Variants in EDIL3 observed in about 807,000 individuals in gnomAD.
The protein encoded by EDIL3 is EGF-like repeat and discoidin I-like domain-containing protein 3.
Under a neutral mutation model 67.4 loss-of-function variants are expected in EDIL3, and 37 were observed. The observed-to-expected ratio is 0.55, with a 90% CI of 0.42 to 0.72. EDIL3 has a LOEUF of 0.72. Among genes scored for constraint, EDIL3 ranks in the 30% least tolerant of loss-of-function variants. EDIL3 has a pLI of 0.00. For synonymous variants in EDIL3, 195 were observed against 196.3 expected (o/e 0.99, Z 0.05); for missense variants, 527 against 586.3 (o/e 0.90, Z 1.04).
intron 9 of EDIL3, among the ~76,000 whole-genome samples, chr5:83,967,344 A>T (rs182199531): frequency 6.6e-6 from 1 of 152,222 alleles, no homozygotes; most frequent in Non-Finnish European, 1.5e-5. Flanking sequence ...TAAATAAAAC[A>T]ACAAATTTTA....
chr5:84,139,453 A>G (rs1195427250), intron 4 of EDIL3, among the ~76,000 whole-genome samples: 1 of 152,096 alleles, frequency 6.6e-6, no homozygotes, highest in African/African-American at 2.4e-5. Context: ...CTTAATATTA[A>G]ACTATATTTA....
intron 9 of EDIL3, among the ~76,000 whole-genome samples, chr5:84,029,861 C>A (rs1322706557): frequency 6.6e-6 from 1 of 152,044 alleles, no homozygotes; most frequent in East Asian, 1.9e-4. Flanking sequence ...AAAAATTGCA[C>A]CCAGGGAAAG....
chr5:83,948,582 A>G (rs1193348796), intron 10 of EDIL3, among the ~76,000 whole-genome samples: 1 of 151,694 alleles, frequency 6.6e-6, no homozygotes, highest in Non-Finnish European at 1.5e-5. Flanking sequence ...ATATGCAAGC[A>G]TTCCAAAAAT....
chr5:84,185,104 C>T (rs1264366210), intron 3 of EDIL3, among the ~76,000 whole-genome samples: 1 of 152,094 alleles, frequency 6.6e-6, no homozygotes, highest in African/African-American at 2.4e-5. Context: ...AAAATGGGCT[C>T]AGGGAGGATA....
intron 9 of EDIL3, among the ~76,000 whole-genome samples, chr5:84,033,414 A>G (rs1463877709): frequency 6.6e-6 from 1 of 152,192 alleles, no homozygotes; most frequent in African/African-American, 2.4e-5. Context: ...GAATTCAAAG[A>G]TATTAAAATA....
At chr5:84,226,619 C>G (rs1303646509) in intron 3 of EDIL3, among the ~76,000 whole-genome samples, 1 of 151,356 alleles carries the variant, frequency 6.6e-6, no homozygotes, top group Non-Finnish European at 1.5e-5. Flanking sequence ...CATTTGTTTC[C>G]CATTGTCTGC....
intron 6 of EDIL3, among the ~76,000 whole-genome samples, chr5:84,104,690 A>C (rs774871514): frequency 9.9e-5 from 15 of 151,982 alleles, no homozygotes; most frequent in Non-Finnish European, 1.6e-4. Flanking sequence ...TAAGAGAATA[A>C]ATCTAAATTT....
chr5:84,300,680 TGTTA>T (rs1746140534), intron 1 of EDIL3, among the ~76,000 whole-genome samples: 1 of 152,206 alleles, frequency 6.6e-6, no homozygotes, highest in African/African-American at 2.4e-5. Flanking sequence ...AAGAAATATT[TGTTA>T]GTTAAGAATG....
At chr5:84,302,282 A>G (rs747538913) in intron 1 of EDIL3, among the ~76,000 whole-genome samples, 16 of 151,800 alleles carry the variant, frequency 1.1e-4, no homozygotes, top group Non-Finnish European at 1.8e-4. Flanking sequence ...CACGATCTCA[A>G]TTATTTTATT....
chr5:84,104,663 G>C (rs370645490), intron 6 of EDIL3, among the ~76,000 whole-genome samples: 1 of 151,874 alleles, frequency 6.6e-6, no homozygotes, highest in African/African-American at 2.4e-5. Flanking sequence ...AGTAAAATAA[G>C]TTTTAACTAT....
chr5:84,207,353 C>T (rs1380604615), intron 3 of EDIL3, among the ~76,000 whole-genome samples: 7 of 152,078 alleles, frequency 4.6e-5, no homozygotes, highest in African/African-American at 1.7e-4. Flanking sequence ...CGTGAAGGAC[C>T]TCTTCAAGGA....
At chr5:84,090,148 T>C (rs558388944) in intron 6 of EDIL3, among the ~76,000 whole-genome samples, 1 of 152,306 alleles carries the variant, frequency 6.6e-6, no homozygotes, top group East Asian at 1.9e-4. Flanking sequence ...AATTAAGCAT[T>C]ATTACCATTT....
intron 1 of EDIL3, among the ~76,000 whole-genome samples, chr5:84,331,354 A>T (rs1483370337): frequency 2.6e-5 from 4 of 152,122 alleles, no homozygotes; most frequent in Non-Finnish European, 5.9e-5. Context: ...CCCGAATTTC[A>T]TCTTGAACTG....
At position 84,254,221 on chromosome 5, in the gene EDIL3, TA is replaced by T. The variant is rs565463034; in HGVS notation, c.68-10del. On this transcript the variant is annotated splice_polypyrimidine_tract_variant and intron_variant, in intron 1 of 10. Transcript: ENST00000296591. ...GGGATCACAAATATCACCTAAGGCA[TA>T]AAAAAAAACCGAAATTGACATTTTT... The T allele has an allele frequency of 3.9e-5, 60 of 1,534,240 alleles. No homozygotes were observed. Among genetic ancestry groups the T allele is most frequent in the South Asian group, 7.4e-5 (6 of 81,416 alleles).
intron 4 of EDIL3, among the ~76,000 whole-genome samples, chr5:84,168,620 C>A (rs1406214534): frequency 6.6e-6 from 1 of 152,094 alleles, no homozygotes; most frequent in Non-Finnish European, 1.5e-5. Flanking sequence ...AATTATAATG[C>A]TACTGAAATT....
At chr5:84,335,791 T>C (rs936532764) in intron 1 of EDIL3, among the ~76,000 whole-genome samples, 1 of 152,158 alleles carries the variant, frequency 6.6e-6, no homozygotes, top group African/African-American at 2.4e-5. Flanking sequence ...ATAATTAACG[T>C]CTAAGACTGG....
In EDIL3 at chr5:84,204,323, T is replaced by C. The variant is rs991566662; in HGVS notation, c.227-23802A>G. Among the ~76,000 whole-genome samples the C allele has an allele frequency of 2.0e-5, 3 of 152,288 alleles. No individual in the cohort carries two copies. The East Asian group carries it at 5.8e-4, about 29-fold the overall frequency. Reference sequence around the variant, plus strand: ...ATATAGGACACAGCCAATTTTAAAATTAAAATATTTTGAACATTGTCTACT... The same window carrying C: ...ATATAGGACACAGCCAATTTTAAAACTAAAATATTTTGAACATTGTCTACT... On this transcript the variant is annotated intron_variant, in intron 3 of 10. Coordinates refer to ENST00000296591, the MANE Select transcript of EDIL3 (RefSeq NM_005711.5).
chr5:84,279,452 C>T (rs1745652396), intron 1 of EDIL3, among the ~76,000 whole-genome samples: 1 of 152,152 alleles, frequency 6.6e-6, no homozygotes, highest in African/African-American at 2.4e-5. Context: ...CACAATAGTA[C>T]TTACCAAGAT....
At position 84,220,219 on chromosome 5, in the gene EDIL3, T is replaced by A. The variant is rs115355974; in HGVS notation, c.226+9636A>T. On this transcript the variant is annotated intron_variant, in intron 3 of 10. Transcript: ENST00000296591. Reference sequence around the variant, plus strand: ...TGCCTGAATGAAAATATCTCATATGTGCCATGAATATATACACCTACTATG... The same window carrying A: ...TGCCTGAATGAAAATATCTCATATGAGCCATGAATATATACACCTACTATG... Among the ~76,000 whole-genome samples, 538 of 152,290 alleles carry A rather than the reference T, an allele frequency of 3.5e-3. 6 individuals carry two copies. Among genetic ancestry groups the A allele is most frequent in the African/African-American group, 0.012 (518 of 41,576 alleles).
Sources: allele counts gnomAD v4.1 joint callset (sites outside exome capture counted in the v4.1 genomes callset), GRCh38; gene constraint gnomAD v4.1.1; transcripts MANE v1.5; gene names NCBI Gene and HGNC (gene_info 2026-07-23, HGNC 2026-07-21).